The following SMYD2 variants were observed in gnomAD, a reference collection of about 807,000 sequenced individuals.
SMYD2 encodes the protein N-lysine methyltransferase SMYD2.
A neutral mutation model predicts 59.1 loss-of-function variants in SMYD2; 53 were observed. That is an observed-to-expected ratio of 0.90 (90% CI 0.72 to 1.13). The LOEUF (loss-of-function observed/expected upper bound fraction) is 1.13, where lower values mean the gene tolerates loss of function less well. SMYD2 is among the 50% of genes most tolerant of loss of function. The probability of loss-of-function intolerance (pLI) is 0.00; values close to 1 mark genes in which losing one functional copy is unlikely to be tolerated. For synonymous variants in SMYD2, 208 were observed against 198.8 expected (o/e 1.05, Z -0.39); for missense variants, 494 against 544.7 (o/e 0.91, Z 0.93).
In SMYD2 at chr1:214,331,246, T is replaced by C. The variant is rs1657349141; in HGVS notation, c.937+176T>C. The stretch of plus-strand genomic sequence containing the variant: ...CACCCACAATGTGGTGTCCATCCTG[T>C]TGGAGTTGTATGATTTTATTTCCCC... On this transcript the variant is annotated intron_variant, in intron 9 of 11. Coordinates refer to ENST00000366957, the MANE Select transcript of SMYD2 (RefSeq NM_020197.3). The C allele has an allele frequency of 3.2e-6, 3 of 944,498 alleles. No homozygotes were observed. The South Asian group carries it at 5.3e-5, about 17-fold the overall frequency. 58.5% of individuals were successfully genotyped at this position (944,498 alleles called of 1,614,324 possible).
chr1:214,281,197 A>AACAGCTCGCCGGGAGCC lies in SMYD2; in HGVS notation c.-57_-41dup, dbSNP rs1656433457. The AACAGCTCGCCGGGAGCC allele has an allele frequency of 3.4e-6, 4 of 1,193,888 alleles. No homozygotes were observed. The highest frequency in any genetic ancestry group is 4.2e-6 in the Non-Finnish European group (4 of 957,008). 74.0% of individuals were successfully genotyped at this position (1,193,888 alleles called of 1,614,324 possible). ...CAGCTCTAGGTGACGCGTCTCCAAT[A>AACAGCTCGCCGGGAGCC]ACAGCTCGCCGGGAGCCGCAGCTCG... is the stretch of plus-strand genomic sequence containing the variant. On this transcript the variant is annotated 5_prime_UTR_variant, in exon 1 of 12. Transcript: ENST00000366957.
intron 6 of SMYD2, 24 bp downstream of exon 6, chr1:214,324,732 C>A: frequency 2.5e-6 from 4 of 1,595,606 alleles, no homozygotes; most frequent in Non-Finnish European, 2.6e-6. Context: ...GACTTCATTT[C>A]TTTCCTTTTT....
intron 2 of SMYD2, among the ~76,000 whole-genome samples, chr1:214,313,179 C>T (rs1003669366): frequency 6.6e-6 from 1 of 152,074 alleles, no homozygotes; most frequent in African/African-American, 2.4e-5. Flanking sequence ...TGTAGCGGTG[C>T]ACTCTCGGCT....
At chr1:214,333,831 G>A in intron 10 of SMYD2, 1 of 192,138 alleles carries the variant, frequency 5.2e-6, no homozygotes, top group Non-Finnish European at 1.1e-5. Flanking sequence ...CCTAATTGCT[G>A]CCTTCATAAA....
intron 2 of SMYD2, among the ~76,000 whole-genome samples, chr1:214,306,102 T>C (rs1486383278): frequency 6.6e-6 from 1 of 152,148 alleles, no homozygotes; most frequent in African/African-American, 2.4e-5. Context: ...AGGGAACCTA[T>C]TAATACACCT....
rs778905060 is a variant in SMYD2, at chr1:214,318,043, A to C, written c.349-36A>C. The C allele has an allele frequency of 1.3e-6, 2 of 1,587,948 alleles. No homozygotes were observed. Among genetic ancestry groups the C allele is most frequent in the South Asian group, 2.2e-5 (2 of 89,236 alleles). On this transcript the variant is annotated intron_variant, in intron 3 of 11. Transcript: ENST00000366957. The surrounding 1 kb of genome is among the most constrained non-coding windows in gnomAD (Gnocchi z 5.4). ...CACTTTATTACACTGGTTGTTAAAA[A>C]ATCTGTATCTGTGTGATTTCTTCCC...
intron 11 of SMYD2, 68 bp from the exon 12 acceptor site, chr1:214,336,636 G>A (rs1330805482): frequency 6.1e-6 from 9 of 1,466,738 alleles, no homozygotes; most frequent in Non-Finnish European, 9.4e-7. Flanking sequence ...CCAACTTAAA[G>A]TTACCCTGGG....
intron 1 of SMYD2, among the ~76,000 whole-genome samples, chr1:214,302,751 C>T (rs1404591905): frequency 6.6e-6 from 1 of 152,260 alleles, no homozygotes; most frequent in East Asian, 1.9e-4. Context: ...GCCTAGTTGC[C>T]TACTTTCTCC....
chr1:214,281,281 G>A lies in SMYD2; in HGVS notation c.27G>A (p.Leu9=), dbSNP rs752404893. 4.6e-6 allele frequency: 6 copies of A among 1,317,830 alleles called. No homozygotes were observed. Among genetic ancestry groups the A allele is most frequent in the Non-Finnish European group, 5.8e-6 (6 of 1,026,248 alleles). The allele number at this position is 1,317,830 out of a possible 1,614,324, so 81.6% of individuals were successfully genotyped here. A position where few individuals can be genotyped will look rare whatever the true frequency, so the allele number is the denominator to read the frequency against. ...TGAGGGCCGAGGGCCTCGGCGGCCT[G>A]GAGCGCTTCTGCAGCCCGGGCAAAG... is the stretch of plus-strand genomic sequence containing the variant. MRAEGLGG[L]ERFCSPGKGR... The change falls in exon 1 of 12, where the codon CTG becomes CTA. Residue 9 remains leucine (L), a synonymous_variant. Coordinates refer to ENST00000366957, the MANE Select transcript of SMYD2 (RefSeq NM_020197.3).
At chr1:214,336,010 T>C (rs562928487) in intron 11 of SMYD2, among the ~76,000 whole-genome samples, 3 of 152,312 alleles carry the variant, frequency 2.0e-5, no homozygotes, top group South Asian at 2.1e-4. Context: ...AGCTTTGATA[T>C]AAAATTCACT....
intron 5 of SMYD2, among the ~76,000 whole-genome samples, chr1:214,321,406 CAT>C (rs71556603): frequency 0.12 from 18,444 of 152,164 alleles, 1,250 homozygotes; most frequent in Middle Eastern, 0.21. Context: ...AATACACACA[CAT>C]ATAATTTTTT....
rs1032795691 is a variant in SMYD2, at chr1:214,288,030, C to T, written c.173+6603C>T. Among the ~76,000 whole-genome samples the T allele has an allele frequency of 1.7e-4, 26 of 152,142 alleles. No individual in the cohort carries two copies. The East Asian group carries it at 1.7e-3, about 10-fold the overall frequency. ...ATAGGGGCTCAGTGACCAAGCTGCACGTTTGGAACCGATTTCAGATGAAAG... is the reference window on the plus strand; with the variant it reads ...ATAGGGGCTCAGTGACCAAGCTGCATGTTTGGAACCGATTTCAGATGAAAG... On this transcript the variant is annotated intron_variant, in intron 1 of 11. Transcript: ENST00000366957.
intron 1 of SMYD2, 37 bp downstream of exon 1, chr1:214,281,464 G>A (rs770583171): frequency 2.8e-5 from 37 of 1,344,228 alleles, no homozygotes; most frequent in East Asian, 6.2e-5. Flanking sequence ...GGCGGGAGCC[G>A]GGGGCGCCGA....
At chr1:214,334,069 G>A (rs1302764696) in intron 10 of SMYD2, 131 bp from the exon 11 acceptor site, 2 of 679,360 alleles carry the variant, frequency 2.9e-6, no homozygotes, top group African/African-American at 1.8e-5. Context: ...AAACCCTGGT[G>A]GGATTTGGAG....
intron 1 of SMYD2, among the ~76,000 whole-genome samples, chr1:214,303,832 G>A (rs763767620): frequency 6.6e-6 from 1 of 152,254 alleles, no homozygotes; most frequent in Non-Finnish European, 1.5e-5. Context: ...CTGCAGAGGA[G>A]GGGGGACGAG....
At chr1:214,288,985 C>T (rs1187657188) in intron 1 of SMYD2, among the ~76,000 whole-genome samples, 1 of 144,088 alleles carries the variant, frequency 6.9e-6, no homozygotes, top group African/African-American at 2.6e-5. Flanking sequence ...CAGGATCTCT[C>T]TCTGCAGAAG....
chr1:214,333,033 G>T (rs1028709216), intron 10 of SMYD2: 3 of 152,264 alleles, frequency 2.0e-5, no homozygotes, highest in Non-Finnish European at 4.4e-5. Context: ...CGAGATTAGG[G>T]TCTGTGAAGG....
intron 1 of SMYD2, among the ~76,000 whole-genome samples, chr1:214,293,746 G>A (rs575957159): frequency 6.6e-6 from 1 of 151,884 alleles, no homozygotes; most frequent in Admixed American, 6.5e-5. Context: ...GCGCGATCTC[G>A]GCTCACTGCA....
Position 214,281,209 on chromosome 1 carries a change from G to A in SMYD2, c.-46G>A, listed in dbSNP as rs1656433870. 4 of 1,215,274 alleles carry A rather than the reference G, an allele frequency of 3.3e-6. No homozygotes were observed. The highest frequency in any genetic ancestry group is 1.6e-5 in the African/African-American group (1 of 63,374). The allele number at this position is 1,215,274 out of a possible 1,614,324, so 75.3% of individuals were successfully genotyped here. ...ACGCGTCTCCAATAACAGCTCGCCG[G>A]GAGCCGCAGCTCGGGCACAGCCGGC... On this transcript the variant is annotated 5_prime_UTR_variant, in exon 1 of 12. Transcript: ENST00000366957.
Sources: allele counts gnomAD v4.1 joint callset (sites outside exome capture counted in the v4.1 genomes callset), GRCh38; gene constraint gnomAD v4.1.1; non-coding constraint Gnocchi (gnomAD v3.1); transcripts MANE v1.5; gene names NCBI Gene and HGNC (gene_info 2026-07-23, HGNC 2026-07-21).